The following EFHC2 variants were observed in gnomAD, a reference collection of about 807,000 sequenced individuals.
EFHC2 encodes the protein EF-hand domain-containing family member C2.
Under a neutral mutation model 52.7 loss-of-function variants are expected in EFHC2, and 18 were observed. That is an observed-to-expected ratio of 0.34 (90% CI 0.24 to 0.51). The LOEUF (loss-of-function observed/expected upper bound fraction) is 0.51. Among genes scored for constraint, EFHC2 ranks in the 20% least tolerant of loss-of-function variants. The pLI is 0.97. For missense variants in EFHC2, 513 were observed against 562.5 expected, an observed-to-expected ratio of 0.91 and a Z score of 0.89; for synonymous variants, 203 against 204.1, an observed-to-expected ratio of 0.99 and a Z score of 0.04.
At chrX:44,299,351 G>A (rs2037852221) in intron 2 of EFHC2, among the ~76,000 whole-genome samples, 1 of 111,598 alleles carries the variant, frequency 9.0e-6, no homozygotes. Flanking sequence ...CCTTAAGTCT[G>A]ATAAGAAACA....
At chrX:44,331,624 T>C (rs1262907931) in intron 1 of EFHC2, among the ~76,000 whole-genome samples, 1 of 112,081 alleles carries the variant, frequency 8.9e-6, no homozygotes, top group Non-Finnish European at 1.9e-5. Context: ...ATACTATAGC[T>C]TTGAAAAATG....
chrX:44,191,960 T>C (rs2036923965), intron 11 of EFHC2, among the ~76,000 whole-genome samples: 1 of 111,754 alleles, frequency 8.9e-6, no homozygotes, highest in Admixed American at 9.5e-5. Context: ...GTTTCGGTTA[T>C]TTTATCTGTG....
In EFHC2 at chrX:44,261,186, G is replaced by A. The variant is rs751973488; in HGVS notation, c.495C>T (p.Phe165=). 1 of 1,211,234 alleles carries A rather than the reference G, an allele frequency of 8.3e-7. No individual in the cohort carries two copies. The highest frequency in any genetic ancestry group is 1.8e-5 in the South Asian group (1 of 56,955). The change falls in exon 4 of 15, where the codon TTC becomes TTT. Residue 165 remains phenylalanine (F), a synonymous_variant. Coordinates refer to ENST00000420999, the MANE Select transcript of EFHC2 (RefSeq NM_025184.4). ...TGAATGCATCACAGTCATAAATCTT[G>A]AATGTCCGGCCATAGAAGACAACCT... is the stretch of plus-strand genomic sequence containing the variant. ...GTEVVFYGRT[F]KIYDCDAFTR...
intron 13 of EFHC2, 27 bp downstream of exon 13, chrX:44,176,265 C>G (rs1255571663): frequency 9.0e-7 from 1 of 1,111,696 alleles, no homozygotes; most frequent in East Asian, 3.1e-5. Flanking sequence ...CAGGACAATC[C>G]CTATCAAGAG....
chrX:44,233,885 G>A (rs969685899), intron 9 of EFHC2, among the ~76,000 whole-genome samples: 2 of 111,540 alleles, frequency 1.8e-5, no homozygotes, highest in Admixed American at 9.5e-5. Flanking sequence ...CAGTAAGACA[G>A]GCTCACTCCT....
At chrX:44,272,966 A>G (rs967640765) in intron 2 of EFHC2, 130 bp from the exon 3 acceptor site, 4 of 497,505 alleles carry the variant, frequency 8.0e-6, no homozygotes, top group Middle Eastern at 5.8e-4. Context: ...CCAAGAACTC[A>G]TTCTACACAT....
chrX:44,199,986 T>C (rs969380036), intron 11 of EFHC2, among the ~76,000 whole-genome samples: 1 of 112,114 alleles, frequency 8.9e-6, no homozygotes, highest in African/African-American at 3.2e-5. Flanking sequence ...AAATGCAATG[T>C]GGGATCCTGG....
chrX:44,318,924 T>G (rs747357429), intron 1 of EFHC2, among the ~76,000 whole-genome samples: 5 of 110,540 alleles, frequency 4.5e-5, no homozygotes, highest in African/African-American at 1.6e-4. Flanking sequence ...AGGGACAATA[T>G]GAGGCAGCAC....
intron 2 of EFHC2, among the ~76,000 whole-genome samples, chrX:44,293,894 A>G (rs1884364562): frequency 8.9e-6 from 1 of 112,062 alleles, no homozygotes; most frequent in South Asian, 3.7e-4. Flanking sequence ...ATTTTCAACA[A>G]TATCTTTACA....
intron 2 of EFHC2, chrX:44,309,642 G>C: frequency 8.8e-7 from 1 of 1,135,963 alleles, no homozygotes; most frequent in Non-Finnish European, 1.2e-6. Context: ...TGTGTACCAG[G>C]TGTTTGAACA....
At chrX:44,251,443 C>T (rs1450561283) in intron 4 of EFHC2, among the ~76,000 whole-genome samples, 1 of 98,950 alleles carries the variant, frequency 1.0e-5, no homozygotes, top group African/African-American at 3.7e-5. Flanking sequence ...ACTAAAAATG[C>T]AAAAAAGTTT....
intron 11 of EFHC2, among the ~76,000 whole-genome samples, chrX:44,192,841 G>GGCTTGC (rs1194142026): frequency 1.9e-5 from 2 of 104,981 alleles, no homozygotes; most frequent in African/African-American, 6.8e-5. Flanking sequence ...TTCTCAAAAT[G>GGCTTGC]GCTTGCTCCT....
intron 3 of EFHC2, among the ~76,000 whole-genome samples, chrX:44,266,671 G>T (rs1285707896): frequency 9.0e-6 from 1 of 110,691 alleles, no homozygotes; most frequent in Non-Finnish European, 1.9e-5. Flanking sequence ...TGCAATATTT[G>T]GGACATAATT....
intron 14 of EFHC2, among the ~76,000 whole-genome samples, chrX:44,155,656 G>C (rs1030228087): frequency 4.5e-5 from 5 of 112,006 alleles, no homozygotes; most frequent in Non-Finnish European, 9.4e-5. Context: ...ACTAGGAAAA[G>C]GATGTTTCTA....
At chrX:44,220,569 C>T (rs1328095101) in intron 11 of EFHC2, among the ~76,000 whole-genome samples, 1 of 111,464 alleles carries the variant, frequency 9.0e-6, no homozygotes, top group South Asian at 3.7e-4. Flanking sequence ...GTTTAATTCC[C>T]TGAGGTTCAG....
chrX:44,186,433 G>A (rs909153280), intron 11 of EFHC2, among the ~76,000 whole-genome samples: 2 of 111,841 alleles, frequency 1.8e-5, no homozygotes, highest in Admixed American at 1.9e-4. Context: ...TAAGCAGAAG[G>A]AGTGAATATT....
chrX:44,261,811 T>A (rs1039570750), intron 3 of EFHC2, among the ~76,000 whole-genome samples: 1 of 108,309 alleles, frequency 9.2e-6, no homozygotes, highest in Non-Finnish European at 1.9e-5. Flanking sequence ...GTGCCAACAT[T>A]GACTTAGAAG....
Position 44,270,105 on chromosome X carries a change from C to T in EFHC2, c.382+2581G>A, listed in dbSNP as rs147302686. On this transcript the variant is annotated intron_variant, in intron 3 of 14. Coordinates refer to ENST00000420999, the MANE Select transcript of EFHC2 (RefSeq NM_025184.4). ...GGCCTTGCTCCCTTTCCTTTCCAAT[C>T]TGGTGGCCTATTATTACTCCATGAG... Among the ~76,000 whole-genome samples, 74 of 111,668 alleles carry T rather than the reference C, an allele frequency of 6.6e-4. 4 individuals carry two copies. The East Asian group carries it at 7.4e-3, about 11-fold the overall frequency.
intron 11 of EFHC2, among the ~76,000 whole-genome samples, chrX:44,206,625 A>G (rs2147299504): frequency 8.9e-6 from 1 of 112,045 alleles, no homozygotes; most frequent in Non-Finnish European, 1.9e-5. Flanking sequence ...ACAAAAAATA[A>G]AATACCTAGG....
Sources: gnomAD v4.1 joint callset for allele counts (sites outside exome capture counted in the v4.1 genomes callset) on GRCh38, gnomAD v4.1.1 for gene constraint, MANE v1.5 for transcripts, NCBI Gene and HGNC (gene_info 2026-07-23, HGNC 2026-07-21) for gene names.